TIAM2: variants seen among roughly 807,000 people sequenced by gnomAD.
TIAM2 encodes rho guanine nucleotide exchange factor TIAM2.
In TIAM2, 80 loss-of-function variants were observed where a neutral mutation model predicts 152.9. That is an observed-to-expected ratio of 0.52 (90% CI 0.44 to 0.63). TIAM2 has a LOEUF of 0.63. Ranked by LOEUF, TIAM2 falls within the 30% of genes least tolerant of loss-of-function variation. The pLI, the probability that TIAM2 is intolerant of heterozygous loss-of-function variation, is 0.00. For synonymous variants in TIAM2, 804 were observed against 838.0 expected, an observed-to-expected ratio of 0.96 and a Z score of 0.70; for missense variants, 1,965 against 2,120.1, an observed-to-expected ratio of 0.93 and a Z score of 1.44.
intron 2 of TIAM2, among the ~76,000 whole-genome samples, chr6:155,106,390 C>T (rs917143921): frequency 6.6e-6 from 1 of 152,112 alleles, no homozygotes; most frequent in Non-Finnish European, 1.5e-5. Context: ...CTGTATATAA[C>T]TTTTATTTAA....
intron 1 of TIAM2, among the ~76,000 whole-genome samples, chr6:155,066,616 C>T (rs1240687776): frequency 6.6e-6 from 1 of 152,158 alleles, no homozygotes; most frequent in Non-Finnish European, 1.5e-5. Context: ...AGTTTTCATC[C>T]TTAGAACTGG....
At chr6:155,104,136 C>G (rs1186629009) in intron 2 of TIAM2, among the ~76,000 whole-genome samples, 1 of 148,878 alleles carries the variant, frequency 6.7e-6, no homozygotes, top group Non-Finnish European at 1.5e-5. Context: ...CCGTGGCAAC[C>G]TCTGACTTCA....
chr6:155,055,022 A>G (rs1187691794), intron 1 of TIAM2, among the ~76,000 whole-genome samples: 2 of 152,172 alleles, frequency 1.3e-5, no homozygotes, highest in African/African-American at 4.8e-5. Context: ...CTGTGGCTGC[A>G]GGAAGCCCTG....
chr6:155,216,840 G>A (rs1326653437), intron 15 of TIAM2: 2 of 1,100,296 alleles, frequency 1.8e-6, no homozygotes, highest in Non-Finnish European at 2.3e-6. Flanking sequence ...CAGGCTCCCG[G>A]CATGGGTGGA....
intron 8 of TIAM2, 95 bp from the exon 9 acceptor site, chr6:155,165,168 A>T (rs1172054325): frequency 3.0e-6 from 4 of 1,339,412 alleles, no homozygotes; most frequent in Non-Finnish European, 4.0e-6. Context: ...CGATAGTCAG[A>T]ATGCATTTAT....
At chr6:155,153,268 A>G (rs939942775) in intron 7 of TIAM2, among the ~76,000 whole-genome samples, 2 of 151,398 alleles carry the variant, frequency 1.3e-5, no homozygotes, top group African/African-American at 4.9e-5. Flanking sequence ...TCCCTTTCTC[A>G]TGTTAGTCTT....
At chr6:155,249,822 T>C (rs371033624) in intron 20 of TIAM2, 29 bp from the exon 21 acceptor site, 3 of 1,568,078 alleles carry the variant, frequency 1.9e-6, no homozygotes, top group East Asian at 2.2e-5. Context: ...ATAACAGTTA[T>C]GAAATAAATA....
chr6:155,136,631 T>C (rs1046062728), intron 4 of TIAM2, among the ~76,000 whole-genome samples: 1 of 152,280 alleles, frequency 6.6e-6, no homozygotes, highest in East Asian at 1.9e-4. Context: ...AGTCTAGAAG[T>C]CTAGACCTGG....
At chr6:155,168,321 C>T (rs1184303507) in intron 9 of TIAM2, among the ~76,000 whole-genome samples, 2 of 152,070 alleles carry the variant, frequency 1.3e-5, no homozygotes, top group African/African-American at 4.8e-5. Context: ...GAAACATGTA[C>T]TTTTTGGTTA....
chr6:155,056,423 T>G (rs1306393272), intron 1 of TIAM2, among the ~76,000 whole-genome samples: 1 of 152,088 alleles, frequency 6.6e-6, no homozygotes, highest in African/African-American at 2.4e-5. Flanking sequence ...CCGCCTGCCT[T>G]GGCCTCCCAA....
intron 9 of TIAM2, among the ~76,000 whole-genome samples, chr6:155,172,237 G>A (rs773648675): frequency 5.3e-5 from 8 of 152,112 alleles, no homozygotes; most frequent in Non-Finnish European, 7.4e-5. Context: ...TGTCGTGATG[G>A]CCAGTTGGAG....
intron 1 of TIAM2, among the ~76,000 whole-genome samples, chr6:155,007,817 G>T (rs1480008892): frequency 6.6e-6 from 1 of 152,218 alleles, no homozygotes; most frequent in African/African-American, 2.4e-5. Context: ...GTCTAAACGT[G>T]TGAGGAAATT....
intron 9 of TIAM2, among the ~76,000 whole-genome samples, chr6:155,169,258 G>C (rs1019116539): frequency 3.3e-5 from 5 of 152,222 alleles, no homozygotes; most frequent in African/African-American, 1.2e-4. Flanking sequence ...GCCTCCCAAA[G>C]TGCTGGGATG....
intron 1 of TIAM2, among the ~76,000 whole-genome samples, chr6:155,073,896 G>A (rs1777898176): frequency 6.6e-6 from 1 of 152,136 alleles, no homozygotes; most frequent in African/African-American, 2.4e-5. Context: ...AGATCTTTCA[G>A]ACATTGGTAA....
At chr6:155,122,778 CAG>C (rs905845941) in intron 2 of TIAM2, among the ~76,000 whole-genome samples, 9 of 151,944 alleles carry the variant, frequency 5.9e-5, no homozygotes, top group African/African-American at 2.2e-4. Context: ...AAAACCTTCA[CAG>C]GGGTTGCTGC....
At chr6:155,061,478 C>T (rs1344044553) in intron 1 of TIAM2, among the ~76,000 whole-genome samples, 1 of 152,152 alleles carries the variant, frequency 6.6e-6, no homozygotes, top group East Asian at 1.9e-4. Flanking sequence ...GTATTTATAA[C>T]TTCTTTTTCT....
chr6:155,013,252 C>A (rs1008519681), intron 1 of TIAM2, among the ~76,000 whole-genome samples: 31 of 152,036 alleles, frequency 2.0e-4, no homozygotes, highest in Non-Finnish European at 3.4e-4. Flanking sequence ...GTGCCATAGA[C>A]GATCCAGAAA....
At chr6:155,172,842 C>G (rs1172645213) in intron 9 of TIAM2, among the ~76,000 whole-genome samples, 1 of 150,532 alleles carries the variant, frequency 6.6e-6, no homozygotes, top group Non-Finnish European at 1.5e-5. Flanking sequence ...CATGGGTAAC[C>G]TGGAAAAAGA....
chr6:155,256,353 G>C, intron 26 of TIAM2, 131 bp from the exon 27 acceptor site: 1 of 1,361,720 alleles, frequency 7.3e-7, no homozygotes, highest in Non-Finnish European at 1.0e-6. Context: ...TAATTACCAG[G>C]ATAGTTGCTA....
Sources: allele counts gnomAD v4.1 joint callset (sites outside exome capture counted in the v4.1 genomes callset), GRCh38; gene constraint gnomAD v4.1.1; transcripts MANE v1.5; gene names NCBI Gene and HGNC (gene_info 2026-07-23, HGNC 2026-07-21).